Variants in RBFOX1 observed in about 807,000 individuals in gnomAD.
RBFOX1 encodes the protein RNA binding fox-1 homolog 1.
Under a neutral mutation model 57.7 loss-of-function variants are expected in RBFOX1, and 8 were observed. That is an observed-to-expected ratio of 0.14 (90% CI 0.08 to 0.25). The LOEUF (loss-of-function observed/expected upper bound fraction) is 0.25. Among genes scored for constraint, RBFOX1 ranks in the 10% least tolerant of loss-of-function variants. The pLI, the probability that RBFOX1 is intolerant of heterozygous loss-of-function variation, is 1.00. For missense variants in RBFOX1, 611 were observed against 548.5 expected (o/e 1.11, Z -1.14); for synonymous variants, 326 against 222.4 (o/e 1.47, Z -4.15).
intron 10 of RBFOX1, among the ~76,000 whole-genome samples, chr16:7,608,456 G>A (rs1038537308): frequency 1.3e-5 from 2 of 152,288 alleles, no homozygotes; most frequent in East Asian, 1.9e-4. Context: ...GAGTTTTACC[G>A]GGAGCCTGGG....
chr16:7,536,321 C>T (rs982549738), intron 5 of RBFOX1, among the ~76,000 whole-genome samples: 4 of 152,198 alleles, frequency 2.6e-5, no homozygotes, highest in African/African-American at 9.7e-5. Flanking sequence ...AGGCTGGGCG[C>T]GGTGGCTCAT....
chr16:7,507,789 TC>T (rs2073858528), intron 4 of RBFOX1, among the ~76,000 whole-genome samples: 1 of 152,002 alleles, frequency 6.6e-6, no homozygotes, highest in Non-Finnish European at 1.5e-5. Flanking sequence ...GGTCTCGATG[TC>T]CTGACGTCGT....
chr16:5,763,165 A>C (rs1251776162), intron 3 of RBFOX1, among the ~76,000 whole-genome samples: 1 of 152,212 alleles, frequency 6.6e-6, no homozygotes, highest in Non-Finnish European at 1.5e-5. Context: ...GCTGGATTAG[A>C]AGTCCATCGT....
intron 2 of RBFOX1, among the ~76,000 whole-genome samples, chr16:6,429,703 A>C (rs192505616): frequency 1.3e-4 from 20 of 152,194 alleles, no homozygotes; most frequent in Admixed American, 1.2e-3. Context: ...ATGAGATCTG[A>C]TGGTTTTATA....
At chr16:6,611,894 A>G (rs1044641064) in intron 2 of RBFOX1, among the ~76,000 whole-genome samples, 1 of 151,910 alleles carries the variant, frequency 6.6e-6, no homozygotes, top group Admixed American at 6.6e-5. Context: ...GTCTCTGAAG[A>G]CACCTCCTCT....
chr16:6,653,175 G>T (rs1283814400), intron 2 of RBFOX1, among the ~76,000 whole-genome samples: 1 of 151,918 alleles, frequency 6.6e-6, no homozygotes, highest in South Asian at 2.1e-4. Context: ...TTTCTCAATT[G>T]CCACTTTTTC....
rs1238966168 is a variant in RBFOX1, at chr16:6,859,130, C to CGTATATATATACGTATATATATACGT, written c.-15-192927_-15-192926insGTATATATATACGTATATATATACGT. 6.8e-4 allele frequency among the ~76,000 whole-genome samples: 56 copies of CGTATATATATACGTATATATATACGT among 82,454 alleles called. 4 individuals carry two copies. Among genetic ancestry groups the CGTATATATATACGTATATATATACGT allele is most frequent in the African/African-American group, 3.4e-3 (51 of 14,788 alleles). The allele number at this position is 82,454 out of a possible 152,430, so 54.1% of individuals were successfully genotyped here. A position where few individuals can be genotyped will look rare whatever the true frequency, so the allele number is the denominator to read the frequency against. ...AAAAGTGTATATATATATATATATA[C>CGTATATATATACGTATATATATACGT]ATATATATACGTATATATATATGTA... On this transcript the variant is annotated intron_variant, in intron 3 of 15. Coordinates refer to ENST00000550418, the MANE Select transcript of RBFOX1 (RefSeq NM_018723.4).
chr16:6,975,773 G>A lies in RBFOX1; in HGVS notation c.-15-76284G>A, dbSNP rs151043604. ...CTCCTATGACCCCTAAAGTGTACTT[G>A]GTGGGTAATTAGGAGCTTGCTGAGT... On this transcript the variant is annotated intron_variant, in intron 3 of 15. Transcript: ENST00000550418. Among the ~76,000 whole-genome samples the A allele has an allele frequency of 5.3e-5, 8 of 152,222 alleles. No homozygotes were observed. In the East Asian group the frequency reaches 1.5e-3, roughly 29 times the overall value.
chr16:6,783,035 G>T (rs2081291289), intron 3 of RBFOX1, among the ~76,000 whole-genome samples: 1 of 151,742 alleles, frequency 6.6e-6, no homozygotes, highest in Non-Finnish European at 1.5e-5. Context: ...TATTTTATCT[G>T]GTATAAGTAC....
At chr16:6,276,411 T>C (rs1374641101) in intron 1 of RBFOX1, among the ~76,000 whole-genome samples, 1 of 152,156 alleles carries the variant, frequency 6.6e-6, no homozygotes. Flanking sequence ...CTTGGCTCAC[T>C]ACCACCTCTG....
chr16:5,546,728 A>G (rs2045221844), intron 2 of RBFOX1, among the ~76,000 whole-genome samples: 1 of 152,230 alleles, frequency 6.6e-6, no homozygotes, highest in Admixed American at 6.5e-5. Context: ...GCCAAAAACA[A>G]GACCTATTAA....
At chr16:5,387,243 G>C (rs557868416) in intron 1 of RBFOX1, among the ~76,000 whole-genome samples, 6 of 152,234 alleles carry the variant, frequency 3.9e-5, no homozygotes, top group Middle Eastern at 6.8e-3. Flanking sequence ...GAATAAGTAA[G>C]GCAGTGTTCT....
intron 4 of RBFOX1, among the ~76,000 whole-genome samples, chr16:7,399,749 G>C (rs979545002): frequency 3.3e-5 from 5 of 152,014 alleles, no homozygotes; most frequent in African/African-American, 1.2e-4. Flanking sequence ...CTTTTAACTT[G>C]ATTACATCTG....
intron 14 of RBFOX1, among the ~76,000 whole-genome samples, chr16:7,695,252 C>G (rs554877641): frequency 5.3e-5 from 8 of 152,148 alleles, no homozygotes; most frequent in Admixed American, 3.9e-4. Flanking sequence ...AAAGGAGACA[C>G]CCATATCCAT....
At chr16:6,757,066 A>G (rs1281962689) in intron 3 of RBFOX1, among the ~76,000 whole-genome samples, 4 of 152,306 alleles carry the variant, frequency 2.6e-5, no homozygotes, top group Admixed American at 6.5e-5. Context: ...ATCACTAATT[A>G]TGAGGGAAAT....
At chr16:7,511,482 A>C (rs542538596) in intron 4 of RBFOX1, among the ~76,000 whole-genome samples, 65 of 152,364 alleles carry the variant, frequency 4.3e-4, no homozygotes, top group South Asian at 3.5e-3. Flanking sequence ...TTCTCTGAGC[A>C]TCAGAAGAGT....
chr16:5,362,278 C>T (rs529856274), intron 1 of RBFOX1, among the ~76,000 whole-genome samples: 3 of 152,256 alleles, frequency 2.0e-5, no homozygotes, highest in East Asian at 1.9e-4. Flanking sequence ...GCAGCCTCCG[C>T]CTCCTGGGTT....
In RBFOX1 at chr16:6,798,172, C is replaced by T. The variant is rs111826447; in HGVS notation, c.-16+143522C>T. ...CAGAACAAATGAAAGCAGGGCGTTT[C>T]TAGTCTCTTCTCTGGTCGTGTCCCT... is the stretch of plus-strand genomic sequence containing the variant. On this transcript the variant is annotated intron_variant, in intron 3 of 15. Coordinates refer to ENST00000550418, the MANE Select transcript of RBFOX1 (RefSeq NM_018723.4). Among the ~76,000 whole-genome samples the T allele has an allele frequency of 7.2e-3, 1,097 of 152,236 alleles. 7 individuals carry two copies. Among genetic ancestry groups the T allele is most frequent in the Non-Finnish European group, 0.012 (812 of 68,016 alleles).
chr16:7,086,302 T>C (rs2153805635), intron 4 of RBFOX1, among the ~76,000 whole-genome samples: 1 of 152,318 alleles, frequency 6.6e-6, no homozygotes, highest in East Asian at 1.9e-4. Context: ...CTGTGTGCCA[T>C]GTAAAAATAT....
Sources: allele counts gnomAD v4.1 joint callset (sites outside exome capture counted in the v4.1 genomes callset), GRCh38; gene constraint gnomAD v4.1.1; transcripts MANE v1.5; gene names NCBI Gene and HGNC (gene_info 2026-07-23, HGNC 2026-07-21).